Variants in PIP5K1C observed in about 807,000 individuals in gnomAD.
PIP5K1C encodes the protein phosphatidylinositol 4-phosphate 5-kinase type-1 gamma.
A neutral mutation model predicts 80.1 loss-of-function variants in PIP5K1C; 45 were observed. That is an observed-to-expected ratio of 0.56 (90% confidence interval 0.44 to 0.72). The LOEUF is 0.72. PIP5K1C is among the 30% of genes least tolerant of loss of function. The pLI, the probability that PIP5K1C is intolerant of heterozygous loss-of-function variation, is 0.00. For synonymous variants in PIP5K1C, 498 were observed against 420.1 expected (o/e 1.19, Z -2.27); for missense variants, 753 against 954.6 (o/e 0.79, Z 2.78).
At chr19:3,651,060 T>TTTA (rs2034426853) in intron 8 of PIP5K1C, among the ~76,000 whole-genome samples, 1 of 149,860 alleles carries the variant, frequency 6.7e-6, no homozygotes, top group Non-Finnish European at 1.5e-5. Context: ...CCAGCGTTTT[T>TTTA]TTTTTTTTTT....
Position 3,669,409 on chromosome 19 carries a change from G to A in PIP5K1C, c.95-2056C>T, listed in dbSNP as rs566760191. ...CCAACTGGGCGAGGTTCAGGGAGGTGCAGACAGGTGAGGAGGTGGGTGCGG... is the reference window on the plus strand; with the variant it reads ...CCAACTGGGCGAGGTTCAGGGAGGTACAGACAGGTGAGGAGGTGGGTGCGG... On this transcript the variant is annotated intron_variant, in intron 1 of 17. Coordinates refer to ENST00000335312, the MANE Select transcript of PIP5K1C (RefSeq NM_012398.3). Among the ~76,000 whole-genome samples, 33 of 152,358 alleles carry A rather than the reference G, an allele frequency of 2.2e-4. No homozygotes were observed. The East Asian group carries it at 6.4e-3, about 29-fold the overall frequency.
intron 1 of PIP5K1C, among the ~76,000 whole-genome samples, chr19:3,672,896 G>C (rs2035254835): frequency 6.6e-6 from 1 of 151,514 alleles, no homozygotes; most frequent in African/African-American, 2.4e-5. Flanking sequence ...GGAGGCGGTG[G>C]GGGCGGGGGG....
rs1302395503 is a variant in PIP5K1C at position 3,696,842 on chromosome 19, G to T, written c.94+3455C>A. The stretch of plus-strand genomic sequence containing the variant: ...CCAAGGGAGGTGGGAGCCATGGAGG[G>T]CTGCGAGCAGAGGAGGGTCGGGACT... On this transcript the variant is annotated intron_variant, in intron 1 of 17. Transcript: ENST00000335312. The surrounding 1 kb of genome is among the most constrained non-coding windows in gnomAD (Gnocchi z 4.1). Among the ~76,000 whole-genome samples the T allele has an allele frequency of 6.6e-6, 1 of 152,184 alleles. No homozygotes were observed. Among genetic ancestry groups the T allele is most frequent in the Non-Finnish European group, 1.5e-5 (1 of 68,034 alleles).
rs1229107073 is a variant in PIP5K1C at position 3,688,900 on chromosome 19, C to A, written c.94+11397G>T. The stretch of plus-strand genomic sequence containing the variant: ...CCGGTCCCCCTTCCAGCCTTGTCCC[C>A]AACACAGCCTGCAAATGGGCGGGGG... On this transcript the variant is annotated intron_variant, in intron 1 of 17. Transcript: ENST00000335312. The surrounding 1 kb of genome is among the most constrained non-coding windows in gnomAD (Gnocchi z 5.3). Among the ~76,000 whole-genome samples the A allele has an allele frequency of 6.6e-6, 1 of 150,586 alleles. No homozygotes were observed. The highest frequency in any genetic ancestry group is 2.4e-5 in the African/African-American group (1 of 41,126).
intron 2 of PIP5K1C, among the ~76,000 whole-genome samples, chr19:3,666,038 T>G (rs894826899): frequency 4.6e-5 from 7 of 151,910 alleles, no homozygotes; most frequent in African/African-American, 1.7e-4. Flanking sequence ...GGGGGCAGGC[T>G]CTCCCCAGGA....
intron 3 of PIP5K1C, 33 bp from the exon 4 acceptor site, chr19:3,662,034 C>T (rs765313523): frequency 1.3e-6 from 2 of 1,555,524 alleles, no homozygotes; most frequent in South Asian, 2.3e-5. Flanking sequence ...GGGCCCCCGG[C>T]TGCTCCCCAC....
chr19:3,655,044 C>T (rs1372072508), intron 6 of PIP5K1C, among the ~76,000 whole-genome samples: 2 of 120,974 alleles, frequency 1.7e-5, no homozygotes, highest in South Asian at 2.8e-4. Context: ...GGAGGCGGAG[C>T]TTGCAGTAAG....
At chr19:3,661,202 T>C (rs1343962304) in intron 4 of PIP5K1C, 119 bp from the exon 5 acceptor site, 2 of 668,752 alleles carry the variant, frequency 3.0e-6, no homozygotes, top group Non-Finnish European at 5.3e-6. Context: ...GCTCCAAGAC[T>C]TCCTTGAAAC....
intron 1 of PIP5K1C, among the ~76,000 whole-genome samples, chr19:3,686,052 G>A (rs528913494): frequency 4.6e-5 from 7 of 152,000 alleles, no homozygotes; most frequent in African/African-American, 1.4e-4. Flanking sequence ...GGGGTCTCGC[G>A]TTGTTGCCGA....
rs1023289182 is a variant in PIP5K1C, at chr19:3,647,398, G to A, written c.1212-12C>T. 2.5e-6 allele frequency: 4 copies of A among 1,577,118 alleles called. No individual in the cohort carries two copies. The highest frequency in any genetic ancestry group is 3.6e-5 in the Admixed American group (2 of 55,966). ...GTTTCTTGATGAACCTGTGGAGAGAGCACCCGGAGTGGCAGCTGACATCAG... is the reference window on the plus strand; with the variant it reads ...GTTTCTTGATGAACCTGTGGAGAGAACACCCGGAGTGGCAGCTGACATCAG... On this transcript the variant is annotated splice_polypyrimidine_tract_variant and intron_variant, in intron 9 of 17. Transcript: ENST00000335312.
chr19:3,654,172 T>G (rs1247625975), intron 6 of PIP5K1C, among the ~76,000 whole-genome samples: 1 of 152,204 alleles, frequency 6.6e-6, no homozygotes, highest in Non-Finnish European at 1.5e-5. Context: ...ATGTTGGTTA[T>G]GCTTTGCCTG....
intron 4 of PIP5K1C, 43 bp downstream of exon 4, chr19:3,661,828 G>A (rs562948613): frequency 1.6e-5 from 26 of 1,606,532 alleles, no homozygotes; most frequent in East Asian, 8.9e-5. Context: ...TCAGAGCCAC[G>A]TGTGTGCTGG....
chr19:3,674,831 T>C (rs1368552717), intron 1 of PIP5K1C, among the ~76,000 whole-genome samples: 2 of 152,020 alleles, frequency 1.3e-5, no homozygotes. Context: ...ACAGGAGGAG[T>C]TACAGTTTTT....
intron 1 of PIP5K1C, among the ~76,000 whole-genome samples, chr19:3,679,162 A>T (rs756025769): frequency 6.6e-6 from 1 of 152,030 alleles, no homozygotes; most frequent in Admixed American, 6.5e-5. Flanking sequence ...TTTACCTTGG[A>T]CACAGGTGTT....
rs2034194172 is a variant in PIP5K1C, at chr19:3,645,922, C to T, written c.1345+52G>A. The T allele has an allele frequency of 2.8e-6, 4 of 1,445,454 alleles. No homozygotes were observed. The South Asian group carries it at 3.4e-5, about 12-fold the overall frequency. The allele number at this position is 1,445,454 out of a possible 1,614,324, so 89.5% of individuals were successfully genotyped here. The stretch of plus-strand genomic sequence containing the variant: ...GCAGAGTCCCTCCTGCCCCACGGCG[C>T]TCTGGGCCTTCCCCAGGGTCCCTCC... On this transcript the variant is annotated intron_variant, in intron 11 of 17. Coordinates refer to ENST00000335312, the MANE Select transcript of PIP5K1C (RefSeq NM_012398.3).
intron 7 of PIP5K1C, 48 bp from the exon 8 acceptor site, chr19:3,652,079 C>A (rs1204625964): frequency 1.9e-6 from 3 of 1,581,242 alleles, no homozygotes; most frequent in South Asian, 1.1e-5. Context: ...CGTCTCTATC[C>A]CCCACAACGG....
At chr19:3,665,270 G>A (rs1226652665) in intron 2 of PIP5K1C, among the ~76,000 whole-genome samples, 3 of 152,160 alleles carry the variant, frequency 2.0e-5, no homozygotes, top group East Asian at 3.9e-4. Flanking sequence ...TTGGGGTGGG[G>A]CCACCCTGGG....
chr19:3,682,187 A>T (rs541341212), intron 1 of PIP5K1C, among the ~76,000 whole-genome samples: 46 of 152,144 alleles, frequency 3.0e-4, no homozygotes, highest in Admixed American at 1.6e-3. Flanking sequence ...CAGTCTGGCC[A>T]ACATGGTGAG....
At chr19:3,663,301 G>T (rs547029260) in intron 3 of PIP5K1C, among the ~76,000 whole-genome samples, 1 of 152,354 alleles carries the variant, frequency 6.6e-6, no homozygotes, top group Admixed American at 6.5e-5. Flanking sequence ...CCTGTCGCAG[G>T]TGCGAGGTGG....
Sources: allele counts gnomAD v4.1 joint callset (sites outside exome capture counted in the v4.1 genomes callset), GRCh38; gene constraint gnomAD v4.1.1; non-coding constraint Gnocchi (gnomAD v3.1); transcripts MANE v1.5; gene names NCBI Gene and HGNC (gene_info 2026-07-23, HGNC 2026-07-21).